Variants in GATA4 observed in about 807,000 individuals in gnomAD.
GATA4 encodes the protein transcription factor GATA-4.
A neutral mutation model predicts 37.9 loss-of-function variants in GATA4; 7 were observed. That is an observed-to-expected ratio of 0.18 (90% CI 0.11 to 0.35). The LOEUF (loss-of-function observed/expected upper bound fraction) is 0.35. GATA4 is among the 10% of genes least tolerant of loss of function. The pLI is 1.00. For missense variants in GATA4, 647 were observed against 653.0 expected, an observed-to-expected ratio of 0.99 and a Z score of 0.10; for synonymous variants, 372 against 292.6, an observed-to-expected ratio of 1.27 and a Z score of -2.77.
chr8:11,696,436 G>A (rs1288602975), intron 1 of GATA4, among the ~76,000 whole-genome samples: 2 of 150,944 alleles, frequency 1.3e-5, no homozygotes, highest in African/African-American at 4.9e-5. Flanking sequence ...TTGCTGGGGT[G>A]TTTGTTGTTC....
intron 1 of GATA4, among the ~76,000 whole-genome samples, chr8:11,677,435 G>A (rs1798819969): frequency 6.6e-6 from 1 of 152,174 alleles, no homozygotes; most frequent in Non-Finnish European, 1.5e-5. Flanking sequence ...GGTGTCTCAG[G>A]AAAAACCTAA....
rs570258776 is a variant in GATA4 at position 11,693,549 on chromosome 8, A to T, written c.-729+889A>T. 3.3e-3 allele frequency among the ~76,000 whole-genome samples: 388 copies of T among 118,482 alleles called. 16 individuals are homozygous for T. In the East Asian group the frequency reaches 0.11, roughly 34 times the overall value. 77.7% of individuals were successfully genotyped at this position (118,482 alleles called of 152,430 possible). On this transcript the variant is annotated intron_variant, in intron 1 of 2. Coordinates refer to the GATA4 transcript ENST00000526974. Reference sequence around the variant, plus strand: ...CACACACACACACACACACACACACACACACACACACACAGAGAGAGAGAG... The same window carrying T: ...CACACACACACACACACACACACACTCACACACACACACAGAGAGAGAGAG...
chr8:11,735,366 T>A (rs922864485), intron 2 of GATA4, among the ~76,000 whole-genome samples: 2 of 152,242 alleles, frequency 1.3e-5, no homozygotes, highest in Admixed American at 6.5e-5. Flanking sequence ...AGTGATTGGA[T>A]AGCAGATGGT....
chr8:11,692,148 G>T (rs1799334379), upstream of GATA4: 1 of 580,590 alleles, frequency 1.7e-6, no homozygotes, highest in Non-Finnish European at 2.2e-6. Context: ...ATGGCCTCAG[G>T]TAACAGCCCA....
chr8:11,755,229 C>A (rs766709047), intron 5 of GATA4, 96 bp downstream of exon 5: 2 of 982,666 alleles, frequency 2.0e-6, no homozygotes, highest in Non-Finnish European at 3.2e-6. Flanking sequence ...CCAGCCCGGG[C>A]CGCCAGGGGG....
At chr8:11,758,226 C>A in intron 6 of GATA4, 67 bp from the exon 7 acceptor site, 1 of 1,555,786 alleles carries the variant, frequency 6.4e-7, no homozygotes. Context: ...GCACCCTCCC[C>A]AGCCTAGACC....
intron 2 of GATA4, among the ~76,000 whole-genome samples, chr8:11,733,881 T>A (rs1185171484): frequency 1.3e-5 from 2 of 152,232 alleles, no homozygotes; most frequent in Non-Finnish European, 1.5e-5. Flanking sequence ...TCGAAGTCAC[T>A]ATGCAACTTC....
At chr8:11,701,273 C>T (rs1010601934), upstream of GATA4, among the ~76,000 whole-genome samples, 16 of 144,262 alleles carry the variant, frequency 1.1e-4, no homozygotes, top group African/African-American at 4.0e-4. Flanking sequence ...AAGTCAAAGA[C>T]GTTCACAGTG....
chr8:11,686,583 T>C (rs1275235318), intron 1 of GATA4, among the ~76,000 whole-genome samples: 1 of 152,190 alleles, frequency 6.6e-6, no homozygotes, highest in Non-Finnish European at 1.5e-5. Flanking sequence ...ACAGGCACCA[T>C]AGCCATCTTC....
intron 2 of GATA4, among the ~76,000 whole-genome samples, chr8:11,725,173 G>A (rs1797191054): frequency 6.6e-6 from 1 of 152,250 alleles, no homozygotes; most frequent in African/African-American, 2.4e-5. Flanking sequence ...GAGGGAGGAG[G>A]GATACCCTGT....
In GATA4 at chr8:11,708,356, C is replaced by A. The variant is rs766466946; in HGVS notation, c.44C>A (p.Pro15His). ...LAMAANHGPP[P>H]GAYEAGGPGA... Reference sequence around the variant, plus strand: ...ATGGCCGCCAACCACGGGCCGCCCCCCGGTGCCTACGAGGCGGGCGGCCCC... The same window carrying A: ...ATGGCCGCCAACCACGGGCCGCCCCACGGTGCCTACGAGGCGGGCGGCCCC... Residue 15 changes from proline to histidine, a missense_variant, in exon 2 of 7, where the codon CCC (proline) becomes CAC (histidine). Transcript: ENST00000532059. This position sits in a 1 kb window ranked among gnomAD's most constrained non-coding sequence, Gnocchi z 6.7. 4 of 1,581,612 alleles carry A rather than the reference C, an allele frequency of 2.5e-6. No individual in the cohort carries two copies. The highest frequency in any genetic ancestry group is 3.4e-6 in the Non-Finnish European group (4 of 1,171,912).
upstream of GATA4, among the ~76,000 whole-genome samples, chr8:11,691,257 C>G (rs1799303768): frequency 6.6e-6 from 1 of 152,220 alleles, no homozygotes; most frequent in African/African-American, 2.4e-5. Context: ...CCTCACTGAA[C>G]ATATTCATTA....
At chr8:11,729,823 G>A (rs1397263904) in intron 2 of GATA4, among the ~76,000 whole-genome samples, 1 of 152,218 alleles carries the variant, frequency 6.6e-6, no homozygotes, top group South Asian at 2.1e-4. Context: ...TTTGGAGAAG[G>A]AAGGAAAATG....
chr8:11,694,586 C>A, intron 1 of GATA4: 1 of 847,064 alleles, frequency 1.2e-6, no homozygotes, highest in Non-Finnish European at 1.4e-6. Context: ...GGAAGCCAAA[C>A]TGTCTGCTTT....
intron 1 of GATA4, among the ~76,000 whole-genome samples, chr8:11,704,577 G>A (rs1799807604): frequency 6.6e-6 from 1 of 152,232 alleles, no homozygotes. Context: ...TTCAATCCCT[G>A]TCCCCGTGTG....
intron 2 of GATA4, among the ~76,000 whole-genome samples, chr8:11,736,854 C>A (rs925489434): frequency 1.3e-5 from 2 of 152,318 alleles, no homozygotes; most frequent in Non-Finnish European, 2.9e-5. Flanking sequence ...CTAACACCTT[C>A]CTTTTACAAA....
chr8:11,748,175 A>C (rs1403111350), intron 2 of GATA4, among the ~76,000 whole-genome samples: 7 of 152,222 alleles, frequency 4.6e-5, no homozygotes, highest in Admixed American at 3.3e-4. Context: ...CTGAGATCGC[A>C]CCATTGCACT....
At chr8:11,734,776 C>T (rs1301017674) in intron 2 of GATA4, among the ~76,000 whole-genome samples, 1 of 152,190 alleles carries the variant, frequency 6.6e-6, no homozygotes, top group Admixed American at 6.5e-5. Context: ...AAGAGTGAGC[C>T]ACCGTGCCCA....
chr8:11,692,973 G>C (rs1246810124), intron 1 of GATA4: 3 of 985,318 alleles, frequency 3.0e-6, no homozygotes, highest in Non-Finnish European at 3.6e-6. Flanking sequence ...CGCCGGCCCC[G>C]CGGCCATCCA....
Sources: gnomAD v4.1 joint callset for allele counts (sites outside exome capture counted in the v4.1 genomes callset) on GRCh38, gnomAD v4.1.1 for gene constraint, Gnocchi (gnomAD v3.1) non-coding constraint, MANE v1.5 for transcripts, NCBI Gene and HGNC (gene_info 2026-07-23, HGNC 2026-07-21) for gene names.